The following ZNF518A variants were observed in gnomAD, a reference collection of about 807,000 sequenced individuals.
The protein encoded by ZNF518A is zinc finger protein 518.
In ZNF518A, 47 loss-of-function variants were observed where a neutral mutation model predicts 102.7. That is an observed-to-expected ratio of 0.46 (90% CI 0.36 to 0.58). The LOEUF is 0.58. ZNF518A is among the 20% of genes least tolerant of loss of function. The pLI, the probability that ZNF518A is intolerant of heterozygous loss-of-function variation, is 0.00. For missense variants in ZNF518A, 1,793 were observed against 1,699.8 expected, an observed-to-expected ratio of 1.05 and a Z score of -0.96; for synonymous variants, 652 against 594.6, an observed-to-expected ratio of 1.10 and a Z score of -1.40.
chr10:96,133,942 G>GT (rs2081467953), intron 3 of ZNF518A, among the ~76,000 whole-genome samples: 1 of 152,110 alleles, frequency 6.6e-6, no homozygotes, highest in Non-Finnish European at 1.5e-5. Context: ...TATAATATTT[G>GT]TTTGACTTCC....
intron 1 of ZNF518A, chr10:96,201,138 T>A: frequency 7.8e-7 from 1 of 1,282,876 alleles, no homozygotes; most frequent in Non-Finnish European, 1.1e-6. Flanking sequence ...AACACTGTAC[T>A]AGGTGCTGCC....
chr10:96,177,342 A>G (rs1554891592), intron 1 of ZNF518A, among the ~76,000 whole-genome samples: 5 of 152,226 alleles, frequency 3.3e-5, no homozygotes, highest in African/African-American at 1.2e-4. Context: ...CATAAGAGAA[A>G]TCCAAGATAA....
In ZNF518A at chr10:96,156,866, T is replaced by C; in HGVS notation, c.544T>C (p.Cys182Arg). Reference protein sequence around the residue: ...HRSTLVKCDICNNESVYTLLN... With the variant: ...HRSTLVKCDIRNNESVYTLLN... Reference sequence around the variant, plus strand: ...AAGCACTTTAGTAAAATGTGACATTTGTAACAATGAGAGTGTATATACTTT... The same window carrying C: ...AAGCACTTTAGTAAAATGTGACATTCGTAACAATGAGAGTGTATATACTTT... The change falls in exon 6 of 6, where the codon TGT becomes CGT. Residue 182 changes from cysteine (C) to arginine (R), a missense_variant. By Grantham distance (180) the Cys-to-Arg change is radical (BLOSUM62 -3). Transcript: ENST00000316045. 1 of 1,613,868 alleles carries C rather than the reference T, an allele frequency of 6.2e-7. No homozygotes were observed. The highest frequency in any genetic ancestry group is 1.1e-5 in the South Asian group (1 of 91,080).
downstream of ZNF518A, among the ~76,000 whole-genome samples, chr10:96,166,454 T>C (rs1480972144): frequency 6.6e-6 from 1 of 152,086 alleles, no homozygotes; most frequent in African/African-American, 2.4e-5. Context: ...GTCATTCCAA[T>C]AGATAACCAG....
At chr10:96,134,997 G>GT (rs1262415600) in intron 3 of ZNF518A, among the ~76,000 whole-genome samples, 3 of 152,194 alleles carry the variant, frequency 2.0e-5, no homozygotes, top group African/African-American at 7.2e-5. Flanking sequence ...ATTCTGAGTG[G>GT]TTGGTGGGCT....
At chr10:96,199,652 T>C (rs2083575271) in intron 1 of ZNF518A, 2 of 392,692 alleles carry the variant, frequency 5.1e-6, no homozygotes, top group Non-Finnish European at 1.0e-5. Context: ...CTTGTTGCAA[T>C]TATTTAATTA....
At chr10:96,202,457 A>T (rs1591300888) in intron 1 of ZNF518A, among the ~76,000 whole-genome samples, 1 of 152,312 alleles carries the variant, frequency 6.6e-6, no homozygotes, top group East Asian at 1.9e-4. Context: ...AAAGCAAGTG[A>T]GAAGTCAAGG....
chr10:96,190,268 C>T (rs1247967278), intron 1 of ZNF518A: 28 of 709,368 alleles, frequency 3.9e-5, no homozygotes, highest in Middle Eastern at 3.9e-4. Flanking sequence ...CGGAGATAAA[C>T]GACCACTGCT....
At chr10:96,135,016 G>T (rs1341224564) in intron 3 of ZNF518A, among the ~76,000 whole-genome samples, 1 of 152,196 alleles carries the variant, frequency 6.6e-6, no homozygotes, top group Non-Finnish European at 1.5e-5. Flanking sequence ...CTGTCCGTCA[G>T]TCTTACTGTC....
At position 96,130,315 on chromosome 10, in the gene ZNF518A, T is replaced by C. The variant is rs1302595489; in HGVS notation, c.-890T>C. On this transcript the variant is annotated 5_prime_UTR_variant, in exon 1 of 6. Transcript: ENST00000316045. The stretch of plus-strand genomic sequence containing the variant: ...TCCGCTTAACTTGCCGCAAAGTTTT[T>C]CTGGAGAAGTCGGGGTTTTTTTGCC... Among the ~76,000 whole-genome samples, 1 of 152,240 alleles carries C rather than the reference T, an allele frequency of 6.6e-6. No individual in the cohort carries two copies. Among genetic ancestry groups the C allele is most frequent in the Non-Finnish European group, 1.5e-5 (1 of 68,030 alleles).
intron 1 of ZNF518A, among the ~76,000 whole-genome samples, chr10:96,185,729 T>C (rs112945882): frequency 0.071 from 10,869 of 152,240 alleles, 755 homozygotes; most frequent in African/African-American, 0.18. Flanking sequence ...AGTCGGCCCC[T>C]ACTGGGAGGT....
rs1329628658 is a variant in ZNF518A, at chr10:96,162,447, G to T, written c.*1673G>T. The T allele has an allele frequency of 6.0e-6, 1 of 166,914 alleles. No homozygotes were observed. Among genetic ancestry groups the T allele is most frequent in the Non-Finnish European group, 1.5e-5 (1 of 68,022 alleles). 10.3% of individuals were successfully genotyped at this position (166,914 alleles called of 1,614,324 possible). ...AACTGTAACAGTAGGTCCCAAATGG[G>T]CCCATTCCCCTAATAGTTTTATTTT... On this transcript the variant is annotated 3_prime_UTR_variant, in exon 6 of 6. Coordinates refer to ENST00000316045, the MANE Select transcript of ZNF518A (RefSeq NM_001330736.2).
At chr10:96,132,529 G>A (rs978980916) in intron 1 of ZNF518A, 57 bp from the exon 2 acceptor site, 2 of 148,372 alleles carry the variant, frequency 1.3e-5, no homozygotes, top group East Asian at 2.0e-4. Flanking sequence ...TGAATGTGAA[G>A]TGTAATTGAA....
At chr10:96,177,389 A>T (rs1554891601) in intron 1 of ZNF518A, among the ~76,000 whole-genome samples, 1 of 152,200 alleles carries the variant, frequency 6.6e-6, no homozygotes, top group African/African-American at 2.4e-5. Flanking sequence ...ATTAAGAGAA[A>T]TTTTTTAGAT....
chr10:96,149,463 G>T (rs1332349100), intron 3 of ZNF518A, among the ~76,000 whole-genome samples: 1 of 152,144 alleles, frequency 6.6e-6, no homozygotes, highest in Non-Finnish European at 1.5e-5. Context: ...CTTCTGTAGT[G>T]GGGAAACAAC....
intron 1 of ZNF518A, chr10:96,199,495 C>A (rs375499776): frequency 1.7e-5 from 8 of 462,166 alleles, no homozygotes; most frequent in Middle Eastern, 6.5e-4. Context: ...GGAGCTTTCT[C>A]GTCTCCCACT....
chr10:96,204,299 C>A (rs1287467287), downstream of ZNF518A: 5 of 711,766 alleles, frequency 7.0e-6, no homozygotes, highest in Non-Finnish European at 1.2e-5. Flanking sequence ...GAAATCTTGA[C>A]TAAAGTATTG....
chr10:96,189,951 C>G (rs2083303171), intron 1 of ZNF518A: 1 of 925,134 alleles, frequency 1.1e-6, no homozygotes, highest in African/African-American at 1.6e-5. Flanking sequence ...ATTTCAAAGA[C>G]CCCAAGGGAA....
intron 1 of ZNF518A, among the ~76,000 whole-genome samples, chr10:96,203,420 G>T (rs1217791860): frequency 6.6e-6 from 1 of 152,062 alleles, no homozygotes; most frequent in East Asian, 1.9e-4. Context: ...TTATTTAAAT[G>T]GATTTAAGCT....
Sources: allele counts gnomAD v4.1 joint callset (sites outside exome capture counted in the v4.1 genomes callset), GRCh38; gene constraint gnomAD v4.1.1; transcripts MANE v1.5; gene names NCBI Gene and HGNC (gene_info 2026-07-23, HGNC 2026-07-21).